EGLN1: variants seen among roughly 807,000 people sequenced by gnomAD.
EGLN1 encodes the protein egl nine homolog 1.
EGLN1 carries 17 observed loss-of-function variants against 38.3 expected under a neutral mutation model. The observed-to-expected ratio is 0.44, with a 90% CI of 0.30 to 0.67. The LOEUF is 0.67. EGLN1 is among the 30% of genes least tolerant of loss of function. The pLI is 0.08. For missense variants in EGLN1, 477 were observed against 603.3 expected, an observed-to-expected ratio of 0.79 and a Z score of 2.19; for synonymous variants, 283 against 257.5, an observed-to-expected ratio of 1.10 and a Z score of -0.95.
At chr1:231,403,480 A>G (rs1296915583) in intron 1 of EGLN1, among the ~76,000 whole-genome samples, 1 of 152,046 alleles carries the variant, frequency 6.6e-6, no homozygotes, top group Non-Finnish European at 1.5e-5. Context: ...GACATGTAAG[A>G]TTTTTACAGG....
At chr1:231,384,189 C>A (rs1688138400) in intron 1 of EGLN1, among the ~76,000 whole-genome samples, 1 of 151,972 alleles carries the variant, frequency 6.6e-6, no homozygotes, top group Admixed American at 6.6e-5. Flanking sequence ...AAAAATTAAA[C>A]CCTAAAAATA....
Position 231,420,997 on chromosome 1 carries a change from C to T in EGLN1, c.891+1G>A. 1 of 1,614,088 alleles carries T rather than the reference C, an allele frequency of 6.2e-7. No individual in the cohort carries two copies. Among genetic ancestry groups the T allele is most frequent in the Non-Finnish European group, 8.5e-7 (1 of 1,180,012 alleles). ...AGCACAAACCCGCAGCACACACTTA[C>T]TTTCGTCCGGCCATTGATTTTGTAG... On this transcript the variant is annotated splice_donor_variant, in intron 1 of 4. Coordinates refer to ENST00000366641, the MANE Select transcript of EGLN1 (RefSeq NM_022051.3). LOFTEE classifies it high-confidence loss of function.
intron 1 of EGLN1, among the ~76,000 whole-genome samples, chr1:231,388,392 T>G (rs1012207715): frequency 6.6e-6 from 1 of 152,178 alleles, no homozygotes; most frequent in South Asian, 2.1e-4. Context: ...AATAGTTAGT[T>G]TCTCTATGAA....
At chr1:231,390,504 C>T (rs903865649) in intron 1 of EGLN1, among the ~76,000 whole-genome samples, 8 of 152,178 alleles carry the variant, frequency 5.3e-5, no homozygotes, top group Non-Finnish European at 1.0e-4. Context: ...CTTAGAATGG[C>T]TAACTTAACT....
chr1:231,419,552 C>A (rs2102945162), intron 1 of EGLN1, among the ~76,000 whole-genome samples: 1 of 152,002 alleles, frequency 6.6e-6, no homozygotes, highest in African/African-American at 2.4e-5. Context: ...GTGACAATTT[C>A]TTAAAGTTGT....
chr1:231,370,208 G>C (rs1450022752), intron 3 of EGLN1, among the ~76,000 whole-genome samples: 1 of 151,910 alleles, frequency 6.6e-6, no homozygotes, highest in Non-Finnish European at 1.5e-5. Flanking sequence ...TTTCCTTCTT[G>C]ATCTTTCTCT....
intron 1 of EGLN1, among the ~76,000 whole-genome samples, chr1:231,411,767 G>T (rs925869929): frequency 3.9e-5 from 6 of 151,960 alleles, no homozygotes; most frequent in African/African-American, 9.7e-5. Flanking sequence ...GGGAGGCCTA[G>T]GTGGGCGGAT....
rs1238208551 is a variant in EGLN1 at position 231,422,169 on chromosome 1, CG to C, written c.-282del. On this transcript the variant is annotated 5_prime_UTR_variant, in exon 1 of 5. Coordinates refer to ENST00000366641, the MANE Select transcript of EGLN1 (RefSeq NM_022051.3). ...CGGCGAATGGCAACCTGGGCTCAGG[CG>C]CGCGGGCCTGGGGAGCGCAAGACCG... The C allele has an allele frequency of 1.2e-5, 3 of 257,558 alleles. No homozygotes were observed. Among genetic ancestry groups the C allele is most frequent in the African/African-American group, 6.8e-5 (3 of 44,074 alleles). 16.0% of individuals were successfully genotyped at this position (257,558 alleles called of 1,614,324 possible).
intron 1 of EGLN1, among the ~76,000 whole-genome samples, chr1:231,414,657 A>G (rs560032150): frequency 6.6e-6 from 1 of 152,238 alleles, no homozygotes; most frequent in East Asian, 1.9e-4. Flanking sequence ...AAGGGAGAAG[A>G]AAGTCTCGAA....
intron 1 of EGLN1, among the ~76,000 whole-genome samples, chr1:231,388,296 C>G (rs1688272940): frequency 6.6e-6 from 1 of 152,174 alleles, no homozygotes; most frequent in South Asian, 2.1e-4. Context: ...GAAGAACCAA[C>G]TAGATACATT....
rs1219267559 is a variant in EGLN1 at position 231,421,988 on chromosome 1, G to A, written c.-100C>T. 5 of 1,231,190 alleles carry A rather than the reference G, an allele frequency of 4.1e-6. No homozygotes were observed. The highest frequency in any genetic ancestry group is 5.2e-6 in the Non-Finnish European group (5 of 965,860). The allele number at this position is 1,231,190 out of a possible 1,614,324, so 76.3% of individuals were successfully genotyped here. ...GCTGGGGAGCGGGGAGAGAGATAGG[G>A]GCCGTTACTGCGCCATGCACCCGCT... On this transcript the variant is annotated 5_prime_UTR_variant, in exon 1 of 5. Transcript: ENST00000366641. This position sits in a 1 kb window ranked among gnomAD's most constrained non-coding sequence, Gnocchi z 5.5.
At position 231,385,838 on chromosome 1, in the gene EGLN1, GGAGCT is replaced by G. The variant is rs1455486495; in HGVS notation, c.892-11744_892-11740del. 5.8e-4 allele frequency among the ~76,000 whole-genome samples: 88 copies of G among 152,240 alleles called. 1 individual carries two copies. The highest frequency in any genetic ancestry group is 1.2e-4 in the Non-Finnish European group (8 of 68,002). On this transcript the variant is annotated intron_variant, in intron 1 of 4. Coordinates refer to ENST00000366641, the MANE Select transcript of EGLN1 (RefSeq NM_022051.3). ...AAGAATTCAGTAACTGCAATAAAAA[GGAGCT>G]GATTTTTTTCTTTTTCTATTTTTGT...
intron 1 of EGLN1, among the ~76,000 whole-genome samples, chr1:231,378,749 A>G (rs930807259): frequency 1.3e-5 from 2 of 152,072 alleles, no homozygotes; most frequent in African/African-American, 4.8e-5. Context: ...CAGGAAACTT[A>G]TTTTTCTTTT....
At chr1:231,399,954 G>A (rs959620493) in intron 1 of EGLN1, among the ~76,000 whole-genome samples, 6 of 152,096 alleles carry the variant, frequency 3.9e-5, no homozygotes, top group Admixed American at 3.9e-4. Context: ...ATGTCATAAA[G>A]AAGTTAACAA....
At position 231,392,016 on chromosome 1, in the gene EGLN1, G is replaced by T. The variant is rs191359539; in HGVS notation, c.892-17917C>A. ...AAAATATAAAGCACAGGCTGGGCGC[G>T]GTGGCTCACGCCTGTAATCCCAGCG... On this transcript the variant is annotated intron_variant, in intron 1 of 4. Coordinates refer to ENST00000366641, the MANE Select transcript of EGLN1 (RefSeq NM_022051.3). Among the ~76,000 whole-genome samples, 56 of 152,178 alleles carry T rather than the reference G, an allele frequency of 3.7e-4. 1 individual carries two copies. Among genetic ancestry groups the T allele is most frequent in the African/African-American group, 1.3e-3 (55 of 41,452 alleles).
chr1:231,384,151 C>A (rs897103397), intron 1 of EGLN1, among the ~76,000 whole-genome samples: 6 of 151,916 alleles, frequency 3.9e-5, no homozygotes, highest in African/African-American at 1.5e-4. Context: ...GGATATGGTG[C>A]TGGCGAGAGA....
At chr1:231,411,993 C>A (rs1688961664) in intron 1 of EGLN1, among the ~76,000 whole-genome samples, 1 of 102,026 alleles carries the variant, frequency 9.8e-6, no homozygotes, top group African/African-American at 3.8e-5. Flanking sequence ...GCCTGGGTGA[C>A]AGAGTGAGAC....
chr1:231,393,864 G>A (rs2749708), intron 1 of EGLN1, among the ~76,000 whole-genome samples: 82,910 of 152,024 alleles, frequency 0.55, 24,225 homozygotes, highest in Non-Finnish European at 0.65. Context: ...AACAGTAGGA[G>A]TCATCCTAGA....
chr1:231,409,544 A>G lies in EGLN1; in HGVS notation c.891+11454T>C, dbSNP rs117000320. On this transcript the variant is annotated intron_variant, in intron 1 of 4. Transcript: ENST00000366641. The stretch of plus-strand genomic sequence containing the variant: ...AATCTGTTCCTCCATCTCCCCCATC[A>G]GACAGGCTTACCAATCCTCATTCCT... 7.2e-3 allele frequency among the ~76,000 whole-genome samples: 1,104 copies of G among 152,294 alleles called. 5 individuals are homozygous for G. Among genetic ancestry groups the G allele is most frequent in the South Asian group, 0.01 (50 of 4,830 alleles).
Sources: gnomAD v4.1 joint callset for allele counts (sites outside exome capture counted in the v4.1 genomes callset) on GRCh38, gnomAD v4.1.1 for gene constraint, Gnocchi (gnomAD v3.1) non-coding constraint, MANE v1.5 for transcripts, NCBI Gene and HGNC (gene_info 2026-07-23, HGNC 2026-07-21) for gene names.